Variants in MTUS2 observed in about 807,000 individuals in gnomAD.
The protein encoded by MTUS2 is microtubule-associated tumor suppressor candidate 2.
A neutral mutation model predicts 114.1 loss-of-function variants in MTUS2; 40 were observed. The ratio of observed to expected loss-of-function variants is 0.35; its 90% CI spans 0.27 to 0.46. The LOEUF is 0.46. Ranked by LOEUF, MTUS2 falls within the 20% of genes least tolerant of loss-of-function variation. MTUS2 has a pLI of 1.00. For synonymous variants in MTUS2, 688 were observed against 672.0 expected (o/e 1.02, Z -0.37); for missense variants, 1,679 against 1,705.4 (o/e 0.98, Z 0.27).
chr13:28,947,824 A>G (rs2084014163), intron 2 of MTUS2, among the ~76,000 whole-genome samples: 1 of 152,230 alleles, frequency 6.6e-6, no homozygotes, highest in South Asian at 2.1e-4. Context: ...AATTGTGTGT[A>G]TGCTACTCTT....
chr13:29,068,430 G>A (rs1376760176), intron 4 of MTUS2, among the ~76,000 whole-genome samples: 1 of 148,468 alleles, frequency 6.7e-6, no homozygotes, highest in Non-Finnish European at 1.5e-5. Flanking sequence ...AAGCACAGGT[G>A]TAATAAATAT....
chr13:28,935,671 T>C (rs568352262), intron 2 of MTUS2, among the ~76,000 whole-genome samples: 11 of 152,214 alleles, frequency 7.2e-5, no homozygotes, highest in African/African-American at 2.6e-4. Flanking sequence ...ATGAGCCTGG[T>C]CTTAGGGCAC....
At chr13:29,092,290 T>TA (rs1889990610) in intron 4 of MTUS2, among the ~76,000 whole-genome samples, 1 of 152,220 alleles carries the variant, frequency 6.6e-6, no homozygotes, top group Admixed American at 6.5e-5. Flanking sequence ...ATTGTTTTTT[T>TA]ACACTGTCAT....
intron 6 of MTUS2, among the ~76,000 whole-genome samples, chr13:29,323,302 T>C (rs1900331914): frequency 6.6e-6 from 1 of 151,404 alleles, no homozygotes; most frequent in Non-Finnish European, 1.5e-5. Flanking sequence ...CAGGCTGGAG[T>C]GCAGTGGCGT....
intron 9 of MTUS2, among the ~76,000 whole-genome samples, chr13:29,443,749 C>T (rs543424900): frequency 6.6e-6 from 1 of 152,186 alleles, no homozygotes; most frequent in Non-Finnish European, 1.5e-5. Context: ...ATTGAACATG[C>T]AAACCTGGCT....
intron 2 of MTUS2, among the ~76,000 whole-genome samples, chr13:28,991,294 T>C (rs1884839622): frequency 6.6e-6 from 1 of 152,174 alleles, no homozygotes; most frequent in Non-Finnish European, 1.5e-5. Flanking sequence ...TTGTCTTCCC[T>C]GTCCAGCTGT....
intron 2 of MTUS2, among the ~76,000 whole-genome samples, chr13:28,989,206 T>C (rs985971246): frequency 2.6e-5 from 4 of 152,156 alleles, no homozygotes; most frequent in Admixed American, 1.3e-4. Flanking sequence ...TCTGTTGATA[T>C]GTGAAAGAGC....
chr13:29,129,228 C>A (rs1165069751), intron 5 of MTUS2, among the ~76,000 whole-genome samples: 1 of 148,848 alleles, frequency 6.7e-6, no homozygotes, highest in Non-Finnish European at 1.5e-5. Context: ...AATGACATTC[C>A]AGATTCAGAA....
intron 3 of MTUS2, among the ~76,000 whole-genome samples, chr13:29,028,177 C>T (rs890772857): frequency 5.3e-5 from 8 of 150,764 alleles, no homozygotes; most frequent in African/African-American, 9.9e-5. Flanking sequence ...ATGGTGAAAC[C>T]CCGTCTCTAC....
At chr13:29,056,741 A>G (rs999700571) in intron 4 of MTUS2, among the ~76,000 whole-genome samples, 2 of 151,872 alleles carry the variant, frequency 1.3e-5, no homozygotes, top group East Asian at 3.9e-4. Flanking sequence ...CATGTTGTTT[A>G]TTCTTTCAAA....
At chr13:28,861,988 T>C (rs1173671289) in intron 2 of MTUS2, among the ~76,000 whole-genome samples, 1 of 152,170 alleles carries the variant, frequency 6.6e-6, no homozygotes. Context: ...AAGAAAACCC[T>C]TTTTAGTTTT....
chr13:29,032,722 A>G (rs1886884246), intron 3 of MTUS2, among the ~76,000 whole-genome samples: 1 of 152,208 alleles, frequency 6.6e-6, no homozygotes, highest in Non-Finnish European at 1.5e-5. Flanking sequence ...TTAAATGAGT[A>G]TCAATTTAAG....
At chr13:29,491,920 ATGTGTGTGTGGTAGG>A (rs1052739975) in intron 11 of MTUS2, among the ~76,000 whole-genome samples, 5 of 94,600 alleles carry the variant, frequency 5.3e-5, no homozygotes, top group African/African-American at 1.7e-4. Context: ...TGTGTATGTG[ATGTGTGTGTGGTAGG>A]TGTGTGTGTG....
chr13:29,311,180 T>C (rs1297605783), intron 6 of MTUS2, among the ~76,000 whole-genome samples: 1 of 152,188 alleles, frequency 6.6e-6, no homozygotes, highest in Non-Finnish European at 1.5e-5. Context: ...CAGGATATTG[T>C]TACCGCCACA....
chr13:29,067,147 T>C (rs1246886474), intron 4 of MTUS2, among the ~76,000 whole-genome samples: 1 of 152,082 alleles, frequency 6.6e-6, no homozygotes, highest in African/African-American at 2.4e-5. Context: ...ATGCTGAAAT[T>C]GGAGCTAAGG....
At chr13:29,108,205 T>A (rs946393916) in intron 5 of MTUS2, among the ~76,000 whole-genome samples, 1 of 152,238 alleles carries the variant, frequency 6.6e-6, no homozygotes, top group East Asian at 1.9e-4. Context: ...AGTCATTTTT[T>A]ATTCATGGAA....
intron 2 of MTUS2, among the ~76,000 whole-genome samples, chr13:28,898,186 G>A (rs536688864): frequency 7.9e-5 from 12 of 152,210 alleles, no homozygotes; most frequent in East Asian, 5.8e-4. Context: ...TAAAAAATTC[G>A]TAGGTATTTG....
At chr13:29,347,410 G>A (rs1329929797) in intron 7 of MTUS2, among the ~76,000 whole-genome samples, 1 of 116,268 alleles carries the variant, frequency 8.6e-6, no homozygotes, top group African/African-American at 2.9e-5. Flanking sequence ...TTTCTTCTTT[G>A]GTCCATGGTT....
chr13:29,297,664 C>G (rs541384874), intron 6 of MTUS2, among the ~76,000 whole-genome samples: 36 of 152,314 alleles, frequency 2.4e-4, no homozygotes, highest in Admixed American at 3.3e-4. Flanking sequence ...TCCCAACTCC[C>G]CTACAGTAAT....
Sources: gnomAD v4.1 joint callset for allele counts (sites outside exome capture counted in the v4.1 genomes callset) on GRCh38, gnomAD v4.1.1 for gene constraint, MANE v1.5 for transcripts, NCBI Gene and HGNC (gene_info 2026-07-23, HGNC 2026-07-21) for gene names.